Variants in GALNT8 observed in about 807,000 individuals in gnomAD.
GALNT8 encodes probable polypeptide N-acetylgalactosaminyltransferase 8.
Under a neutral mutation model 62.7 loss-of-function variants are expected in GALNT8, and 66 were observed. The observed-to-expected ratio is 1.05, with a 90% CI of 0.86 to 1.29. The LOEUF (loss-of-function observed/expected upper bound fraction) is 1.29, where lower values mean the gene tolerates loss of function less well. GALNT8 is among the 50% of genes most tolerant of loss of function. The pLI is 0.00. For missense variants in GALNT8, 771 were observed against 791.8 expected, an observed-to-expected ratio of 0.97 and a Z score of 0.32; for synonymous variants, 288 against 294.3, an observed-to-expected ratio of 0.98 and a Z score of 0.22.
intron 3 of GALNT8, among the ~76,000 whole-genome samples, chr12:4,741,919 C>T (rs1946274134): frequency 6.6e-6 from 1 of 152,280 alleles, no homozygotes; most frequent in African/African-American, 2.4e-5. Context: ...AAACACCAGC[C>T]AAATTGAGCC....
chr12:4,746,952 C>T (rs1186173206), intron 6 of GALNT8, among the ~76,000 whole-genome samples: 1 of 152,138 alleles, frequency 6.6e-6, no homozygotes, highest in East Asian at 1.9e-4. Context: ...TCCTGACCAA[C>T]TTCTGTGTGT....
intron 1 of GALNT8, among the ~76,000 whole-genome samples, chr12:4,722,184 TCTTTC>T (rs1309302537): frequency 6.6e-6 from 1 of 152,186 alleles, no homozygotes; most frequent in East Asian, 1.9e-4. Flanking sequence ...ATCTGATCTC[TCTTTC>T]CTTTCCCCAC....
chr12:4,761,876 C>G (rs1390406640), intron 7 of GALNT8, among the ~76,000 whole-genome samples: 1 of 152,056 alleles, frequency 6.6e-6, no homozygotes, highest in Non-Finnish European at 1.5e-5. Flanking sequence ...CAAACTCATC[C>G]CTCCATCGTA....
At chr12:4,761,357 A>C (rs1407560401) in intron 7 of GALNT8, among the ~76,000 whole-genome samples, 1 of 152,150 alleles carries the variant, frequency 6.6e-6, no homozygotes, top group Non-Finnish European at 1.5e-5. Context: ...CCGTCACAAC[A>C]TATGTAGGGG....
At chr12:4,759,561 T>A (rs1946362392) in intron 6 of GALNT8, among the ~76,000 whole-genome samples, 1 of 151,724 alleles carries the variant, frequency 6.6e-6, no homozygotes, top group African/African-American at 2.4e-5. Flanking sequence ...CTTTTTTTTT[T>A]AGTCCATTGT....
chr12:4,770,511 TTA>T, intron 10 of GALNT8, among the ~76,000 whole-genome samples: 1 of 152,038 alleles, frequency 6.6e-6, no homozygotes, highest in South Asian at 2.1e-4. Flanking sequence ...TCACAATAAT[TTA>T]TTGTGACCAA....
intron 2 of GALNT8, among the ~76,000 whole-genome samples, chr12:4,731,304 G>A (rs1257400946): frequency 2.0e-5 from 3 of 152,150 alleles, no homozygotes; most frequent in Non-Finnish European, 2.9e-5. Flanking sequence ...ACAGTTTGCT[G>A]TCAGTGTATA....
At chr12:4,740,567 G>A (rs1359217907) in intron 3 of GALNT8, among the ~76,000 whole-genome samples, 1 of 151,988 alleles carries the variant, frequency 6.6e-6, no homozygotes, top group Non-Finnish European at 1.5e-5. Context: ...GGGATTATAG[G>A]AGTATGCCAC....
rs1250655876 is a variant in GALNT8 at position 4,739,191 on chromosome 12, C to T, written c.538C>T (p.Leu180Phe). ...RCLRKTYPSQLPSLSVILIFV... is the reference protein window; with the variant it reads ...RCLRKTYPSQFPSLSVILIFV... ...TCTTCGGAAGACATATCCTTCCCAACTCCCATCCCTCAGTGTCATTCTCAT... is the reference window on the plus strand; with the variant it reads ...TCTTCGGAAGACATATCCTTCCCAATTCCCATCCCTCAGTGTCATTCTCAT... Residue 180 changes from leucine (L) to phenylalanine (F), a missense_variant, in exon 3 of 11, where the codon CTC (leucine) becomes TTC (phenylalanine). By Grantham distance (22) the Leu-to-Phe change is conservative. Transcript: ENST00000252318. 2.5e-6 allele frequency: 4 copies of T among 1,612,230 alleles called. No individual in the cohort carries two copies. The African/African-American group carries it at 4.0e-5, about 16-fold the overall frequency.
At chr12:4,725,704 C>T (rs1324088286) in intron 1 of GALNT8, among the ~76,000 whole-genome samples, 2 of 151,852 alleles carry the variant, frequency 1.3e-5, no homozygotes, top group African/African-American at 4.8e-5. Flanking sequence ...TACAGGCATG[C>T]ACCACCACAC....
intron 2 of GALNT8, among the ~76,000 whole-genome samples, chr12:4,733,290 G>T (rs1565382851): frequency 6.6e-6 from 1 of 152,142 alleles, no homozygotes; most frequent in South Asian, 2.1e-4. Context: ...GACAGTGCTG[G>T]TCTACACATT....
In GALNT8 at chr12:4,742,500, T is replaced by G. The variant is rs144041235; in HGVS notation, c.677-2017T>G. ...AGGAGGATGTCAGAGAGTTCAAGTT[T>G]CCTTCTTAATTAATGAGGCAAGACA... On this transcript the variant is annotated intron_variant, in intron 3 of 10. Transcript: ENST00000252318. Among the ~76,000 whole-genome samples the G allele has an allele frequency of 7.6e-4, 116 of 152,290 alleles. 1 individual carries two copies. In the East Asian group the frequency reaches 0.02, roughly 26 times the overall value.
intron 10 of GALNT8, among the ~76,000 whole-genome samples, chr12:4,768,814 A>G (rs567110701): frequency 1.3e-5 from 2 of 152,200 alleles, no homozygotes; most frequent in Non-Finnish European, 1.5e-5. Context: ...TACTTGATTG[A>G]ATGTTGGGCT....
At chr12:4,755,402 T>A (rs1032873021) in intron 6 of GALNT8, among the ~76,000 whole-genome samples, 30 of 152,312 alleles carry the variant, frequency 2.0e-4, no homozygotes, top group African/African-American at 6.5e-4. Flanking sequence ...TGCCTCACGA[T>A]TGCTGTGCTC....
chr12:4,727,206 A>G (rs1169869716), intron 2 of GALNT8, among the ~76,000 whole-genome samples: 1 of 152,018 alleles, frequency 6.6e-6, no homozygotes. Flanking sequence ...ACTTTGCTCA[A>G]ATTCTCTACT....
Position 4,739,275 on chromosome 12 carries a change from A to T in GALNT8, c.622A>T (p.Thr208Ser). Residue 208 changes from threonine to serine, a missense_variant, in exon 3 of 11, where the codon ACG (threonine) becomes TCG (serine). Coordinates refer to ENST00000252318, the MANE Select transcript of GALNT8 (RefSeq NM_017417.2). Reference protein sequence around the residue: ...QRAITSIINRTPSRLLKEIIL... With the variant: ...QRAITSIINRSPSRLLKEIIL... ...GGCCATCACCAGTATCATCAACCGG[A>T]CGCCCTCTCGATTGTTGAAGGAAAT... 1 of 1,613,630 alleles carries T rather than the reference A, an allele frequency of 6.2e-7. No individual in the cohort carries two copies. The highest frequency in any genetic ancestry group is 8.5e-7 in the Non-Finnish European group (1 of 1,179,710).
intron 3 of GALNT8, among the ~76,000 whole-genome samples, chr12:4,742,862 G>A (rs1034163490): frequency 2.6e-5 from 4 of 152,126 alleles, no homozygotes; most frequent in Non-Finnish European, 5.9e-5. Context: ...GCTGGGAAGG[G>A]AGCATAGGTT....
In GALNT8 at chr12:4,725,000, A is replaced by G. The variant is rs139988387; in HGVS notation, c.212-1532A>G. Among the ~76,000 whole-genome samples, 357 of 152,278 alleles carry G rather than the reference A, an allele frequency of 2.3e-3. 3 individuals carry two copies. The highest frequency in any genetic ancestry group is 9.8e-3 in the South Asian group (47 of 4,814). The stretch of plus-strand genomic sequence containing the variant: ...ACCAAGCTGCTGACCCTGAGTTGCA[A>G]TCATTCAGAAAAAAAGGATGCCTTC... On this transcript the variant is annotated intron_variant, in intron 1 of 10. Coordinates refer to ENST00000252318, the MANE Select transcript of GALNT8 (RefSeq NM_017417.2).
Position 4,745,556 on chromosome 12 carries a change from G to A in GALNT8, c.988G>A (p.Glu330Lys), listed in dbSNP as rs201387598. Residue 330 changes from glutamate to lysine, a missense_variant, in exon 5 of 11, where the codon GAA becomes AAA. Physicochemically the swap from Glu to Lys is moderately conservative, Grantham distance 56. Coordinates refer to ENST00000252318, the MANE Select transcript of GALNT8 (RefSeq NM_017417.2). ...YELAVDGFNW[E>K]LWCRYDALPQ... ...ACTGGCAGTTGATGGGTTTAACTGG[G>A]AACTCTGGTGCCGCTACGATGCACT... 1.2e-4 allele frequency: 196 copies of A among 1,613,984 alleles called. No individual in the cohort carries two copies. Among genetic ancestry groups the A allele is most frequent in the Middle Eastern group, 3.3e-4 (2 of 6,062 alleles).
Sources: allele counts gnomAD v4.1 joint callset (sites outside exome capture counted in the v4.1 genomes callset), GRCh38; gene constraint gnomAD v4.1.1; transcripts MANE v1.5; gene names NCBI Gene and HGNC (gene_info 2026-07-23, HGNC 2026-07-21).